The following QTGAL variants were observed in gnomAD, a reference collection of about 807,000 sequenced individuals.
The protein encoded by QTGAL is BGnT-like protein 1.
At chr17:82,975,919 A>C in the QTGAL span, among the ~76,000 whole-genome samples, 26 of 22,376 alleles carry the variant, frequency 1.2e-3, no homozygotes, top group Middle Eastern at 0.024. Context: ...GGACAGAGCC[A>C]GACTCCATCC....
the QTGAL span, among the ~76,000 whole-genome samples, chr17:83,043,784 C>A: frequency 6.6e-6 from 1 of 152,006 alleles, no homozygotes; most frequent in Non-Finnish European, 1.5e-5. Context: ...GGAAAGACAG[C>A]TCAAAATGCT....
the QTGAL span, among the ~76,000 whole-genome samples, chr17:83,017,728 G>C: frequency 6.6e-6 from 1 of 152,348 alleles, no homozygotes; most frequent in East Asian, 1.9e-4. Flanking sequence ...ATGACACACG[G>C]TGTGCCTGCA....
chr17:82,996,734 T>C, the QTGAL span, among the ~76,000 whole-genome samples: 1 of 152,036 alleles, frequency 6.6e-6, no homozygotes, highest in Admixed American at 6.6e-5. Flanking sequence ...AACCCATAGA[T>C]AAATCAATAT....
chr17:82,961,336 G>A, the QTGAL span: 18 of 1,110,870 alleles, frequency 1.6e-5, no homozygotes, highest in Non-Finnish European at 2.0e-5. Context: ...CAGGGACGTG[G>A]GGCGGCGACC....
At chr17:83,011,783 C>T in the QTGAL span, among the ~76,000 whole-genome samples, 327 of 152,262 alleles carry the variant, frequency 2.1e-3, 1 homozygote, top group Non-Finnish European at 3.9e-3. Flanking sequence ...TTAAAATCAT[C>T]GATGAAAATG....
chr17:83,047,952 T>C, the QTGAL span, among the ~76,000 whole-genome samples: 5 of 152,142 alleles, frequency 3.3e-5, no homozygotes, highest in Admixed American at 6.5e-5. Flanking sequence ...CTTTCTTTTC[T>C]TTCTTTTTCT....
the QTGAL span, among the ~76,000 whole-genome samples, chr17:83,044,239 A>C: frequency 1.3e-5 from 2 of 152,248 alleles, no homozygotes; most frequent in South Asian, 4.1e-4. Context: ...AATCTTCAAC[A>C]ACATACTAGC....
At chr17:83,048,557 GCC>G in the QTGAL span, 1 of 1,613,838 alleles carries the variant, frequency 6.2e-7, no homozygotes, top group African/African-American at 1.3e-5. Flanking sequence ...TTCAATGATA[GCC>G]CCAGACTTGT....
At chr17:82,998,037 A>G in the QTGAL span, among the ~76,000 whole-genome samples, 1 of 151,050 alleles carries the variant, frequency 6.6e-6, no homozygotes, top group Non-Finnish European at 1.5e-5. Context: ...AATAAGACCT[A>G]GAATTTGCTG....
chr17:82,953,415 C>T, the QTGAL span, among the ~76,000 whole-genome samples: 6 of 151,968 alleles, frequency 3.9e-5, no homozygotes, highest in Admixed American at 1.3e-4. Context: ...AAAATCTAGA[C>T]GAAATGGATA....
the QTGAL span, among the ~76,000 whole-genome samples, chr17:83,025,823 G>A: frequency 2.0e-5 from 3 of 152,258 alleles, no homozygotes; most frequent in East Asian, 3.9e-4. Context: ...GCCCGGCACC[G>A]GGTGCCAGTC....
the QTGAL span, among the ~76,000 whole-genome samples, chr17:83,002,451 A>G: frequency 1.3e-5 from 2 of 152,188 alleles, no homozygotes; most frequent in Non-Finnish European, 2.9e-5. Flanking sequence ...TATTTTCACA[A>G]CTTCACTGAA....
At chr17:82,962,791 C>T in the QTGAL span, among the ~76,000 whole-genome samples, 7 of 152,326 alleles carry the variant, frequency 4.6e-5, no homozygotes, top group African/African-American at 1.7e-4. Flanking sequence ...CCAGAAGAGC[C>T]CGACCCTTGG....
the QTGAL span, chr17:82,965,615 T>C: frequency 9.0e-6 from 14 of 1,548,166 alleles, no homozygotes; most frequent in African/African-American, 1.8e-4. Flanking sequence ...GCCCCGAACC[T>C]GGGGGAGGGA....
the QTGAL span, among the ~76,000 whole-genome samples, chr17:83,033,801 A>G: frequency 6.6e-6 from 1 of 151,888 alleles, no homozygotes; most frequent in Admixed American, 6.6e-5. Flanking sequence ...AAGTGTTATT[A>G]GTTCAGTTTT....
chr17:82,945,168 G>C, the QTGAL span: 3 of 152,196 alleles, frequency 2.0e-5, no homozygotes, highest in African/African-American at 7.2e-5. Context: ...TGTAAGAAGT[G>C]AAATGAAAAG....
the QTGAL span, among the ~76,000 whole-genome samples, chr17:83,015,602 G>C: frequency 6.6e-6 from 1 of 152,224 alleles, no homozygotes; most frequent in Admixed American, 6.5e-5. The surrounding 1 kb of genome is among the most constrained non-coding windows in gnomAD (Gnocchi z 4.4). Flanking sequence ...TGCACACACA[G>C]TGTGTACCAG....
At chr17:82,972,790 G>C in the QTGAL span, among the ~76,000 whole-genome samples, 2 of 145,912 alleles carry the variant, frequency 1.4e-5, no homozygotes, top group African/African-American at 5.3e-5. Flanking sequence ...GGGCTAGAAG[G>C]ACCTGGTGCC....
chr17:82,951,882 G>T, the QTGAL span, among the ~76,000 whole-genome samples: 1 of 151,692 alleles, frequency 6.6e-6, no homozygotes, highest in East Asian at 1.9e-4. Context: ...GATTCATATG[G>T]GCGCCCCGAG....
Sources: allele counts gnomAD v4.1 joint callset (sites outside exome capture counted in the v4.1 genomes callset), GRCh38; gene constraint gnomAD v4.1.1; non-coding constraint Gnocchi (gnomAD v3.1); transcripts MANE v1.5; gene names NCBI Gene and HGNC (gene_info 2026-07-23, HGNC 2026-07-21).